The following TXNL4A variants were observed in gnomAD, a reference collection of about 807,000 sequenced individuals.
TXNL4A encodes thioredoxin like 4A.
A neutral mutation model predicts 14.6 loss-of-function variants in TXNL4A; 17 were observed. That is an observed-to-expected ratio of 1.16 (90% CI 0.80 to 1.74). The LOEUF is 1.74. Among genes scored for constraint, TXNL4A ranks in the 40% most tolerant of loss-of-function variants. The pLI is 0.00. For missense variants in TXNL4A, 74 were observed against 195.2 expected (o/e 0.38, Z 3.70); for synonymous variants, 83 against 70.6 (o/e 1.18, Z -0.88).
intron 1 of TXNL4A, among the ~76,000 whole-genome samples, chr18:80,002,090 TA>T (rs1245429344): frequency 6.6e-6 from 1 of 152,188 alleles, no homozygotes; most frequent in Non-Finnish European, 1.5e-5. Context: ...TTTTTCCCCA[TA>T]CTTTTCTCCT....
intron 1 of TXNL4A, among the ~76,000 whole-genome samples, chr18:79,994,676 G>T (rs1841118515): frequency 6.6e-6 from 1 of 151,510 alleles, no homozygotes; most frequent in African/African-American, 2.4e-5. Context: ...CTCCCTACAG[G>T]AGGCCAACAA....
In TXNL4A at chr18:80,026,496, C is replaced by T. The variant is rs2051885420; in HGVS notation, c.-61+7355G>A. The stretch of plus-strand genomic sequence containing the variant: ...AAATATTCTACCCTGACAAAAAAAA[C>T]TGAGGGAGATTAATATAATAACCAT... On this transcript the variant is annotated intron_variant, in intron 1 of 2. Coordinates refer to the TXNL4A transcript ENST00000585474. Among the ~76,000 whole-genome samples, 3 of 152,062 alleles carry T rather than the reference C, an allele frequency of 2.0e-5. No homozygotes were observed. In the East Asian group the frequency reaches 5.8e-4, roughly 29 times the overall value.
rs377370058 is a variant in TXNL4A, at chr18:80,024,276, G to C, written c.-61+9575C>G. ...TTGTCTGTTTTTGCATTGGCAGAGA[G>C]CAGTCTCCAGCTTGGGCCCTATCAC... On this transcript the variant is annotated intron_variant, in intron 1 of 2. Transcript: ENST00000585474. Among the ~76,000 whole-genome samples, 6 of 152,268 alleles carry C rather than the reference G, an allele frequency of 3.9e-5. No individual in the cohort carries two copies. The East Asian group carries it at 7.7e-4, about 20-fold the overall frequency.
At chr18:80,001,846 C>T (rs533327597) in intron 1 of TXNL4A, among the ~76,000 whole-genome samples, 12 of 152,212 alleles carry the variant, frequency 7.9e-5, no homozygotes, top group African/African-American at 2.4e-4. Context: ...TGCTGTGTCC[C>T]AGATGAGAGT....
chr18:80,013,729 C>T (rs1489225220), intron 1 of TXNL4A, among the ~76,000 whole-genome samples: 2 of 152,352 alleles, frequency 1.3e-5, no homozygotes, highest in East Asian at 3.9e-4. Context: ...CAGGCGTGAG[C>T]CATTGCACCC....
At chr18:79,987,566 C>T (rs1445680758) in intron 1 of TXNL4A, among the ~76,000 whole-genome samples, 1 of 152,212 alleles carries the variant, frequency 6.6e-6, no homozygotes, top group Non-Finnish European at 1.5e-5. Flanking sequence ...CCTAAAATTG[C>T]TATGAGGAAC....
At chr18:79,988,216 G>C in intron 1 of TXNL4A, 24 bp downstream of exon 1, 1 of 1,497,732 alleles carries the variant, frequency 6.7e-7, no homozygotes, top group Admixed American at 1.8e-5. Context: ...ACAGCCCGCA[G>C]AGCGGGAGAG....
At chr18:80,013,627 G>T (rs967181270) in intron 1 of TXNL4A, among the ~76,000 whole-genome samples, 3 of 151,920 alleles carry the variant, frequency 2.0e-5, no homozygotes, top group Non-Finnish European at 4.4e-5. Context: ...TGTATTTATA[G>T]TAGAAAGGGG....
chr18:79,973,880 C>A, intron 2 of TXNL4A, 24 bp from the exon 3 acceptor site: 1 of 1,610,988 alleles, frequency 6.2e-7, no homozygotes, highest in South Asian at 1.1e-5. Flanking sequence ...CAAGGGCATC[C>A]ATTCTCATAG....
At chr18:80,007,278 T>C (rs2051737749) in intron 1 of TXNL4A, among the ~76,000 whole-genome samples, 1 of 152,190 alleles carries the variant, frequency 6.6e-6, no homozygotes, top group Non-Finnish European at 1.5e-5. Context: ...CAAGCTACTG[T>C]CTCAAAATGC....
chr18:80,026,760 C>A (rs181071029), intron 1 of TXNL4A, among the ~76,000 whole-genome samples: 1 of 152,132 alleles, frequency 6.6e-6, no homozygotes, highest in Non-Finnish European at 1.5e-5. Flanking sequence ...ATATGCCTTG[C>A]GGCCCTTGTC....
chr18:79,989,100 G>A (rs2051604388), upstream of TXNL4A, among the ~76,000 whole-genome samples: 1 of 152,172 alleles, frequency 6.6e-6, no homozygotes, highest in Admixed American at 6.5e-5. Flanking sequence ...TGAGCTGCCT[G>A]TTGTAACCTG....
At chr18:80,005,330 G>T (rs1303453102) in intron 1 of TXNL4A, among the ~76,000 whole-genome samples, 1 of 152,228 alleles carries the variant, frequency 6.6e-6, no homozygotes, top group African/African-American at 2.4e-5. Flanking sequence ...CCCCTGGGGG[G>T]AGAAAAATTG....
intron 1 of TXNL4A, among the ~76,000 whole-genome samples, chr18:79,983,980 T>C (rs959995984): frequency 1.3e-5 from 2 of 152,004 alleles, no homozygotes; most frequent in African/African-American, 2.4e-5. Flanking sequence ...GGCTAGAGTC[T>C]GCACCCTCAA....
chr18:79,985,574 C>T (rs1808201941), intron 1 of TXNL4A, among the ~76,000 whole-genome samples: 3 of 152,320 alleles, frequency 2.0e-5, no homozygotes. Context: ...TTATTATTAT[C>T]ACTTTATCAA....
intron 1 of TXNL4A, among the ~76,000 whole-genome samples, chr18:80,031,818 A>C (rs2051923382): frequency 6.6e-6 from 1 of 152,232 alleles, no homozygotes; most frequent in South Asian, 2.1e-4. Context: ...ACTGATATGA[A>C]AACCCAGATA....
At chr18:79,996,204 A>G (rs1235303101) in intron 1 of TXNL4A, among the ~76,000 whole-genome samples, 1 of 151,774 alleles carries the variant, frequency 6.6e-6, no homozygotes, top group African/African-American at 2.4e-5. Flanking sequence ...CAGGAAGACT[A>G]GGGTGCTCTG....
intron 1 of TXNL4A, among the ~76,000 whole-genome samples, chr18:80,010,929 C>T (rs1360727950): frequency 6.6e-6 from 1 of 151,850 alleles, no homozygotes; most frequent in East Asian, 1.9e-4. Flanking sequence ...GAGTAGAGAC[C>T]CAACTGCTGT....
upstream of TXNL4A, chr18:79,988,572 A>C (rs898096655): frequency 1.1e-5 from 6 of 554,458 alleles, no homozygotes; most frequent in Non-Finnish European, 8.0e-6. Flanking sequence ...CTGGGCGCGC[A>C]CGCACCGACG....
Sources: allele counts gnomAD v4.1 joint callset (sites outside exome capture counted in the v4.1 genomes callset), GRCh38; gene constraint gnomAD v4.1.1; transcripts MANE v1.5; gene names NCBI Gene and HGNC (gene_info 2026-07-23, HGNC 2026-07-21).